Variants in PBRM1 observed in about 807,000 individuals in gnomAD.
PBRM1 encodes the protein protein polybromo-1.
A neutral mutation model predicts 194.5 loss-of-function variants in PBRM1; 27 were observed. That is an observed-to-expected ratio of 0.14 (90% CI 0.10 to 0.19). The LOEUF (loss-of-function observed/expected upper bound fraction) is 0.19. PBRM1 is among the 10% of genes least tolerant of loss of function. PBRM1 has a pLI of 1.00. For missense variants in PBRM1, 1,466 were observed against 2,077.2 expected, an observed-to-expected ratio of 0.71 and a Z score of 5.72; for synonymous variants, 655 against 693.2, an observed-to-expected ratio of 0.94 and a Z score of 0.87.
chr3:52,613,839 A>C (rs2094791294), intron 15 of PBRM1, among the ~76,000 whole-genome samples: 1 of 152,052 alleles, frequency 6.6e-6, no homozygotes, highest in African/African-American at 2.4e-5. Flanking sequence ...ATTTAAAACA[A>C]ACAAACAAAC....
chr3:52,681,656 G>A (rs1194038654), upstream of PBRM1: 4 of 931,256 alleles, frequency 4.3e-6, no homozygotes, highest in Non-Finnish European at 5.2e-6. Flanking sequence ...GTCAAGGAAG[G>A]ACAGAAAAGG....
At chr3:52,555,135 G>GC (rs931110744) in intron 26 of PBRM1, among the ~76,000 whole-genome samples, 2 of 152,192 alleles carry the variant, frequency 1.3e-5, no homozygotes, top group African/African-American at 4.8e-5. Context: ...TAAATATGCT[G>GC]CATGTTTTCA....
chr3:52,683,207 A>T (rs112674594), upstream of PBRM1, among the ~76,000 whole-genome samples: 519 of 129,614 alleles, frequency 4.0e-3, 1 homozygote, highest in Non-Finnish European at 6.0e-3. Context: ...TGTCTCAAAA[A>T]AATAATAAAA....
At chr3:52,661,750 C>A (rs1375981558) in intron 4 of PBRM1, among the ~76,000 whole-genome samples, 1 of 152,214 alleles carries the variant, frequency 6.6e-6, no homozygotes, top group Non-Finnish European at 1.5e-5. Context: ...ACTATTCTAA[C>A]CTACAGAAAT....
At chr3:52,619,254 T>C (rs1254667438) in intron 13 of PBRM1, among the ~76,000 whole-genome samples, 2 of 152,204 alleles carry the variant, frequency 1.3e-5, no homozygotes, top group Non-Finnish European at 2.9e-5. Context: ...TCCCTTGGTA[T>C]TCATGGGGAA....
intron 15 of PBRM1, among the ~76,000 whole-genome samples, chr3:52,610,993 A>G (rs898990152): frequency 6.6e-6 from 1 of 152,204 alleles, no homozygotes; most frequent in African/African-American, 2.4e-5. Context: ...CTGAGTATCA[A>G]TAAGGACAAT....
chr3:52,668,718 T>C, intron 2 of PBRM1, 73 bp from the exon 4 acceptor site: 1 of 830,758 alleles, frequency 1.2e-6, no homozygotes, highest in South Asian at 2.2e-5. Context: ...AAACTATTTA[T>C]GGTAATGTTC....
upstream of PBRM1, chr3:52,681,591 G>A (rs1488511026): frequency 7.9e-6 from 2 of 252,918 alleles, no homozygotes; most frequent in African/African-American, 2.3e-5. Flanking sequence ...ATGAACATAA[G>A]GAGGGAATCT....
At chr3:52,548,033 C>A in exon 30 of PBRM1, 1 of 1,583,372 alleles carries the variant, frequency 6.3e-7, no homozygotes, top group Non-Finnish European at 8.6e-7. Context: ...ACTCTTTATG[C>A]TTCTATATAA....
chr3:52,634,185 T>A (rs2095713892), intron 11 of PBRM1, among the ~76,000 whole-genome samples: 1 of 152,178 alleles, frequency 6.6e-6, no homozygotes, highest in African/African-American at 2.4e-5. Context: ...ACACCTGTAA[T>A]CCCAGCACTT....
chr3:52,574,272 C>G (rs1396833126), intron 22 of PBRM1, among the ~76,000 whole-genome samples: 1 of 152,196 alleles, frequency 6.6e-6, no homozygotes, highest in Non-Finnish European at 1.5e-5. Flanking sequence ...TCAGACAGAG[C>G]AGACCCATTT....
At chr3:52,616,476 G>A (rs1296632981) in intron 14 of PBRM1, among the ~76,000 whole-genome samples, 2 of 152,070 alleles carry the variant, frequency 1.3e-5, no homozygotes, top group Admixed American at 6.5e-5. Context: ...GGGGGATCAC[G>A]ACGTCAGGAG....
chr3:52,683,573 G>A (rs1422905736), upstream of PBRM1, among the ~76,000 whole-genome samples: 1 of 151,546 alleles, frequency 6.6e-6, no homozygotes, highest in African/African-American at 2.4e-5. Flanking sequence ...CAGCAATTTA[G>A]GAGGCTGAGG....
intron 22 of PBRM1, among the ~76,000 whole-genome samples, chr3:52,571,555 G>A (rs1390451130): frequency 6.8e-6 from 1 of 147,280 alleles, no homozygotes; most frequent in East Asian, 2.0e-4. Context: ...GAACCCAGGA[G>A]GTGGAGGTTG....
At chr3:52,648,156 C>G (rs550688513) in intron 7 of PBRM1, among the ~76,000 whole-genome samples, 188 bp downstream of exon 8, 1 of 152,286 alleles carries the variant, frequency 6.6e-6, no homozygotes, top group Admixed American at 6.5e-5. Flanking sequence ...ATCCACCCAC[C>G]TAGGCTTCAC....
chr3:52,586,748 C>CAA (rs35352950), intron 19 of PBRM1, 60 bp from the exon 22 acceptor site: 3,938 of 183,138 alleles, frequency 0.022, 178 homozygotes, highest in African/African-American at 0.13. Context: ...GAAAATCAAT[C>CAA]AAAAAAAAAA....
intron 15 of PBRM1, among the ~76,000 whole-genome samples, chr3:52,612,702 G>A (rs1468697397): frequency 6.6e-6 from 1 of 151,908 alleles, no homozygotes; most frequent in Non-Finnish European, 1.5e-5. Context: ...TCAGGAGATC[G>A]AGACCAGTCT....
intron 2 of PBRM1, among the ~76,000 whole-genome samples, chr3:52,670,840 T>C (rs2096931392): frequency 6.6e-6 from 1 of 152,210 alleles, no homozygotes; most frequent in African/African-American, 2.4e-5. Flanking sequence ...CATTCCAGCC[T>C]ATGTGACATG....
chr3:52,550,150 G>A (rs1025632827), intron 29 of PBRM1, among the ~76,000 whole-genome samples: 4 of 152,028 alleles, frequency 2.6e-5, no homozygotes, highest in Admixed American at 6.6e-5. Context: ...CCTGGAAGGC[G>A]GAGACTGCAG....
Sources: allele counts gnomAD v4.1 joint callset (sites outside exome capture counted in the v4.1 genomes callset), GRCh38; gene constraint gnomAD v4.1.1; transcripts MANE v1.5; gene names NCBI Gene and HGNC (gene_info 2026-07-23, HGNC 2026-07-21).